Variants in CACNA1I observed in about 807,000 individuals in gnomAD.
CACNA1I encodes voltage-dependent T-type calcium channel subunit alpha-1I.
CACNA1I carries 74 observed loss-of-function variants against 201.6 expected under a neutral mutation model. That is an observed-to-expected ratio of 0.37 (90% CI 0.30 to 0.45). The LOEUF is 0.45. Ranked by LOEUF, CACNA1I falls within the 20% of genes least tolerant of loss-of-function variation. CACNA1I has a pLI of 1.00. For missense variants in CACNA1I, 2,346 were observed against 3,138.1 expected, an observed-to-expected ratio of 0.75 and a Z score of 6.03; for synonymous variants, 1,431 against 1,345.2, an observed-to-expected ratio of 1.06 and a Z score of -1.40.
At chr22:39,642,225 G>A (rs1347428479) in intron 6 of CACNA1I, among the ~76,000 whole-genome samples, 1 of 152,148 alleles carries the variant, frequency 6.6e-6, no homozygotes, top group Admixed American at 6.5e-5. Flanking sequence ...GCCCAGGAGG[G>A]TGGGTGGCCG....
Position 39,618,066 on chromosome 22 carries a change from C to T in CACNA1I, c.483-1244C>T, listed in dbSNP as rs370086791. On this transcript the variant is annotated intron_variant, in intron 3 of 36. Transcript: ENST00000402142. ...GTGTGTGTATTTGTGCTTGTGTATGCGGGTGTGTGGTTGTTTGCATGTGTG... is the reference window on the plus strand; with the variant it reads ...GTGTGTGTATTTGTGCTTGTGTATGTGGGTGTGTGGTTGTTTGCATGTGTG... 4.0e-5 allele frequency among the ~76,000 whole-genome samples: 6 copies of T among 148,968 alleles called. No individual in the cohort carries two copies. In the South Asian group the frequency reaches 6.4e-4, roughly 16 times the overall value.
rs1485729613 is a variant in CACNA1I, at chr22:39,665,994, C to T, written c.4092C>T (p.Asp1364=). 7 of 1,613,714 alleles carry T rather than the reference C, an allele frequency of 4.3e-6. No individual in the cohort carries two copies. The highest frequency in any genetic ancestry group is 5.9e-6 in the Non-Finnish European group (7 of 1,179,834). The change falls in exon 23 of 37, where the codon GAC becomes GAT. Residue 1364 remains aspartate, a synonymous_variant. Coordinates refer to ENST00000402142, the MANE Select transcript of CACNA1I (RefSeq NM_021096.4). This position sits in a 1 kb window ranked among gnomAD's most constrained non-coding sequence, Gnocchi z 5.5. ...YRWVHHKYNF[D]NLGQALMSLF... is the part of the protein sequence containing the mutation. ...GGGTCCATCACAAATACAACTTCGA[C>T]AACCTGGGCCAGGTGAGCACCACCG...
At chr22:39,573,589 G>T (rs951021898) in intron 1 of CACNA1I, among the ~76,000 whole-genome samples, 1 of 152,146 alleles carries the variant, frequency 6.6e-6, no homozygotes, top group African/African-American at 2.4e-5. Context: ...GGAGCCCAGG[G>T]TGTTAGCCAC....
chr22:39,655,261 T>TC (rs1336474413), intron 10 of CACNA1I, among the ~76,000 whole-genome samples: 4 of 85,788 alleles, frequency 4.7e-5, no homozygotes, highest in South Asian at 3.3e-4. Context: ...CTGGAGGGCT[T>TC]CCCGGGGGGC....
Position 39,649,691 on chromosome 22 carries a change from G to T in CACNA1I, c.1758G>T (p.Glu586Asp). The T allele has an allele frequency of 6.6e-7, 1 of 1,517,384 alleles. No individual in the cohort carries two copies. Among genetic ancestry groups the T allele is most frequent in the Non-Finnish European group, 8.9e-7 (1 of 1,129,170 alleles). The allele number at this position is 1,517,384 out of a possible 1,614,324, so 94.0% of individuals were successfully genotyped here. Residue 586 changes from glutamate to aspartate, a missense_variant, in exon 10 of 37, where the codon GAG (glutamate) becomes GAT (aspartate). Transcript: ENST00000402142. This position sits in a 1 kb window ranked among gnomAD's most constrained non-coding sequence, Gnocchi z 7.3. ...GCTCCGGGAGCTCCGCTGGTGGCGA[G>T]GACGAGGCGGATGGGGACGGGGCCC... is the stretch of plus-strand genomic sequence containing the variant. ...GSGSGSSAGG[E>D]DEADGDGARS...
intron 3 of CACNA1I, among the ~76,000 whole-genome samples, chr22:39,618,349 G>T (rs1373882748): frequency 6.6e-6 from 1 of 151,520 alleles, no homozygotes; most frequent in African/African-American, 2.4e-5. Flanking sequence ...GTGTTTGTGG[G>T]TGTGTGGTTG....
intron 1 of CACNA1I, among the ~76,000 whole-genome samples, chr22:39,589,948 C>A (rs982283125): frequency 5.3e-5 from 8 of 152,210 alleles, no homozygotes; most frequent in African/African-American, 1.9e-4. Flanking sequence ...TTGGCCACCC[C>A]CGCCAAACCC....
At position 39,686,427 on chromosome 22, in the gene CACNA1I, G is replaced by T; in HGVS notation, c.*22G>T. 1 of 1,221,270 alleles carries T rather than the reference G, an allele frequency of 8.2e-7. No individual in the cohort carries two copies. The highest frequency in any genetic ancestry group is 1.0e-6 in the Non-Finnish European group (1 of 975,564). 75.7% of individuals were successfully genotyped at this position (1,221,270 alleles called of 1,614,324 possible). A position where few individuals can be genotyped will look rare whatever the true frequency, so the allele number is the denominator to read the frequency against. ...ATGAGGGTCGCAGGGGCCCCCGGCC[G>T]CCCACCGCCCGCCCCGTCTCACCTT... On this transcript the variant is annotated 3_prime_UTR_variant, in exon 37 of 37. Coordinates refer to ENST00000402142, the MANE Select transcript of CACNA1I (RefSeq NM_021096.4).
At chr22:39,606,369 T>G (rs549267753) in intron 3 of CACNA1I, among the ~76,000 whole-genome samples, 1 of 152,346 alleles carries the variant, frequency 6.6e-6, no homozygotes, top group Admixed American at 6.5e-5. Context: ...TGAGTTCATC[T>G]CACCGTGGCC....
chr22:39,589,663 T>C (rs1288247779), intron 1 of CACNA1I, among the ~76,000 whole-genome samples: 1 of 152,142 alleles, frequency 6.6e-6, no homozygotes, highest in African/African-American at 2.4e-5. Flanking sequence ...TGGATGCTTG[T>C]AGGCCTGGCC....
intron 1 of CACNA1I, among the ~76,000 whole-genome samples, chr22:39,583,365 T>C (rs62228483): frequency 2.8e-5 from 4 of 145,164 alleles, no homozygotes; most frequent in South Asian, 2.3e-4. Flanking sequence ...TCCAACCATC[T>C]ATCCATCCAT....
At chr22:39,657,769 C>CGA (rs1296293123) in intron 10 of CACNA1I, among the ~76,000 whole-genome samples, 2 of 152,236 alleles carry the variant, frequency 1.3e-5, no homozygotes, top group Non-Finnish European at 2.9e-5. Context: ...TGACGTCTAG[C>CGA]GACGCCTGTC....
At chr22:39,578,796 G>T (rs1308842278) in intron 1 of CACNA1I, among the ~76,000 whole-genome samples, 1 of 152,154 alleles carries the variant, frequency 6.6e-6, no homozygotes, top group Non-Finnish European at 1.5e-5. Context: ...TTATCCTCCA[G>T]CCCTATTCTT....
Position 39,665,092 on chromosome 22 carries a change from G to T in CACNA1I, c.3851+169G>T, listed in dbSNP as rs1353931822. Among the ~76,000 whole-genome samples the T allele has an allele frequency of 6.6e-6, 1 of 152,060 alleles. No homozygotes were observed. Among genetic ancestry groups the T allele is most frequent in the Non-Finnish European group, 1.5e-5 (1 of 67,970 alleles). On this transcript the variant is annotated intron_variant, in intron 21 of 36. Coordinates refer to ENST00000402142, the MANE Select transcript of CACNA1I (RefSeq NM_021096.4). The surrounding 1 kb of genome is among the most constrained non-coding windows in gnomAD (Gnocchi z 5.5). ...GGGGGAGGGGTCTGCAGACCCTGGG[G>T]GTGGGGTATGCTGGAAGAGCAGGGC...
In CACNA1I at chr22:39,664,723, C is replaced by T. The variant is rs1175988691; in HGVS notation, c.3667-16C>T. 2.9e-5 allele frequency: 41 copies of T among 1,392,548 alleles called. 1 individual carries two copies. Among genetic ancestry groups the T allele is most frequent in the Non-Finnish European group, 3.9e-5 (39 of 1,007,500 alleles). 86.3% of individuals were successfully genotyped at this position (1,392,548 alleles called of 1,614,324 possible). A position where few individuals can be genotyped will look rare whatever the true frequency, so the allele number is the denominator to read the frequency against. On this transcript the variant is annotated splice_polypyrimidine_tract_variant and intron_variant, in intron 20 of 36. Coordinates refer to ENST00000402142, the MANE Select transcript of CACNA1I (RefSeq NM_021096.4). ...CCTCCCGCGGCAGCCTGACCCCGGC[C>T]CCACCCCCGCCCCAGGTAGTCTCGC... is the stretch of plus-strand genomic sequence containing the variant.
intron 20 of CACNA1I, among the ~76,000 whole-genome samples, 183 bp from the exon 21 acceptor site, chr22:39,664,556 C>G (rs1935123037): frequency 6.6e-6 from 1 of 152,074 alleles, no homozygotes; most frequent in African/African-American, 2.4e-5. Context: ...CCCCTCCCAT[C>G]AACCGCCCTC....
chr22:39,632,120 T>C (rs995511639), intron 4 of CACNA1I, among the ~76,000 whole-genome samples: 5 of 152,046 alleles, frequency 3.3e-5, no homozygotes, highest in Non-Finnish European at 5.9e-5. Flanking sequence ...GAGATGTAAT[T>C]AATTGAGCGA....
At chr22:39,658,404 C>A in intron 11 of CACNA1I, 101 bp downstream of exon 11, 3 of 1,091,392 alleles carry the variant, frequency 2.7e-6, no homozygotes, top group Non-Finnish European at 1.3e-6. Flanking sequence ...GCTGTGGAAA[C>A]CCGTTGCACT....
At chr22:39,654,432 C>T (rs1057056224) in intron 10 of CACNA1I, among the ~76,000 whole-genome samples, 4 of 152,066 alleles carry the variant, frequency 2.6e-5, no homozygotes, top group African/African-American at 7.2e-5. Context: ...GGGCAGGGTG[C>T]GGGGAGCCTC....
Sources: allele counts gnomAD v4.1 joint callset (sites outside exome capture counted in the v4.1 genomes callset), GRCh38; gene constraint gnomAD v4.1.1; non-coding constraint Gnocchi (gnomAD v3.1); transcripts MANE v1.5; gene names NCBI Gene and HGNC (gene_info 2026-07-23, HGNC 2026-07-21).